The following NAALADL2 variants were observed in gnomAD, a reference collection of about 807,000 sequenced individuals.
The protein encoded by NAALADL2 is N-acetylated alpha-linked acidic dipeptidase like 2.
Under a neutral mutation model 87.2 loss-of-function variants are expected in NAALADL2, and 76 were observed. The ratio of observed to expected loss-of-function variants is 0.87; its 90% CI spans 0.72 to 1.05. The LOEUF (loss-of-function observed/expected upper bound fraction) is 1.05. Among genes scored for constraint, NAALADL2 ranks in the 50% least tolerant of loss-of-function variants. The pLI, the probability that NAALADL2 is intolerant of heterozygous loss-of-function variation, is 0.00. For synonymous variants in NAALADL2, 354 were observed against 331.0 expected, an observed-to-expected ratio of 1.07 and a Z score of -0.75; for missense variants, 1,089 against 945.8, an observed-to-expected ratio of 1.15 and a Z score of -1.99.
rs187714381 is a variant in NAALADL2, at chr3:174,491,395, G to C, written c.-184+50363G>C. ...CAAAGCTTCCACTTACTCTCAAGCT[G>C]TTCATTTACATAGTTATTTTTTTAA... On this transcript the variant is annotated intron_variant, in intron 1 of 3. Transcript: ENST00000434257. Among the ~76,000 whole-genome samples, 5 of 152,150 alleles carry C rather than the reference G, an allele frequency of 3.3e-5. No individual in the cohort carries two copies. In the East Asian group the frequency reaches 5.8e-4, roughly 18 times the overall value.
intron 9 of NAALADL2, among the ~76,000 whole-genome samples, chr3:175,502,596 A>C (rs1242777821): frequency 2.6e-5 from 4 of 151,892 alleles, no homozygotes; most frequent in Non-Finnish European, 4.4e-5. Context: ...GAACTATATC[A>C]CTTCTCCTGG....
chr3:174,494,415 A>C (rs1718389042), intron 1 of NAALADL2, among the ~76,000 whole-genome samples: 5 of 147,776 alleles, frequency 3.4e-5, no homozygotes, highest in African/African-American at 7.5e-5. Flanking sequence ...ATAGGTGGGA[A>C]TTGAACAATG....
intron 13 of NAALADL2, among the ~76,000 whole-genome samples, chr3:175,781,261 A>C (rs1004012206): frequency 6.6e-6 from 1 of 152,174 alleles, no homozygotes; most frequent in African/African-American, 2.4e-5. Context: ...ATAGTACACA[A>C]AAGCAAATCT....
chr3:174,761,173 A>T (rs1712892948), intron 3 of NAALADL2, among the ~76,000 whole-genome samples: 1 of 152,210 alleles, frequency 6.6e-6, no homozygotes, highest in Admixed American at 6.5e-5. Context: ...GTTCTATATG[A>T]AAATCTATTT....
At chr3:174,524,163 G>A (rs1048469254) in intron 1 of NAALADL2, among the ~76,000 whole-genome samples, 1 of 152,022 alleles carries the variant, frequency 6.6e-6, no homozygotes, top group African/African-American at 2.4e-5. Context: ...GTATAATTTA[G>A]CTACATTAAA....
intron 1 of NAALADL2, among the ~76,000 whole-genome samples, chr3:174,497,295 C>T (rs981283944): frequency 2.0e-5 from 3 of 151,930 alleles, no homozygotes; most frequent in African/African-American, 7.3e-5. Flanking sequence ...TATAATATTG[C>T]TACTTACTTT....
At chr3:174,448,027 A>G (rs1176958669) in intron 1 of NAALADL2, among the ~76,000 whole-genome samples, 11 of 152,100 alleles carry the variant, frequency 7.2e-5, no homozygotes. Context: ...GTTTACCCAC[A>G]CTGATCTTTT....
chr3:174,577,632 C>A (rs1715677435), intron 2 of NAALADL2, among the ~76,000 whole-genome samples: 1 of 152,094 alleles, frequency 6.6e-6, no homozygotes, highest in African/African-American at 2.4e-5. Flanking sequence ...TTTAATTTAG[C>A]CAAGTTAACT....
At chr3:174,870,499 C>T (rs1472759458) in intron 1 of NAALADL2, among the ~76,000 whole-genome samples, 1 of 151,714 alleles carries the variant, frequency 6.6e-6, no homozygotes, top group African/African-American at 2.4e-5. Flanking sequence ...CAATGTTTAC[C>T]CACGGAAATA....
intron 3 of NAALADL2, among the ~76,000 whole-genome samples, chr3:174,754,699 T>C (rs1462562397): frequency 6.6e-6 from 1 of 152,178 alleles, no homozygotes; most frequent in East Asian, 1.9e-4. Context: ...AGATGTGTTG[T>C]AGAATGGATT....
At chr3:174,892,538 T>C (rs1730982354) in intron 1 of NAALADL2, among the ~76,000 whole-genome samples, 1 of 152,170 alleles carries the variant, frequency 6.6e-6, no homozygotes, top group Non-Finnish European at 1.5e-5. Flanking sequence ...AGGTCTTTAA[T>C]AGTATATATG....
intron 9 of NAALADL2, among the ~76,000 whole-genome samples, chr3:175,542,273 T>G (rs1477758423): frequency 6.6e-6 from 1 of 152,230 alleles, no homozygotes; most frequent in African/African-American, 2.4e-5. Context: ...GATAACTTGG[T>G]ATATTTTGTG....
At chr3:174,819,547 A>T (rs914171946) in intron 3 of NAALADL2, among the ~76,000 whole-genome samples, 1 of 152,128 alleles carries the variant, frequency 6.6e-6, no homozygotes, top group African/African-American at 2.4e-5. Context: ...CTCATACACA[A>T]TCACATCCTT....
intron 5 of NAALADL2, among the ~76,000 whole-genome samples, chr3:175,387,666 A>G (rs1386395170): frequency 6.6e-6 from 1 of 152,144 alleles, no homozygotes; most frequent in Non-Finnish European, 1.5e-5. Flanking sequence ...GATTTGTTGA[A>G]TATACTAAAA....
chr3:175,061,400 T>C lies in NAALADL2; in HGVS notation c.44-35390T>C, dbSNP rs377179176. Among the ~76,000 whole-genome samples, 26 of 152,312 alleles carry C rather than the reference T, an allele frequency of 1.7e-4. No individual in the cohort carries two copies. In the East Asian group the frequency reaches 4.4e-3, roughly 26 times the overall value. ...AATAAATCTACACTGGAATTTTATATGAAAATATTCTGTTACATCTGTTGC... is the reference window on the plus strand; with the variant it reads ...AATAAATCTACACTGGAATTTTATACGAAAATATTCTGTTACATCTGTTGC... On this transcript the variant is annotated intron_variant, in intron 1 of 13. Transcript: ENST00000454872.
intron 1 of NAALADL2, among the ~76,000 whole-genome samples, chr3:175,029,235 G>A (rs1752545526): frequency 6.6e-6 from 1 of 151,960 alleles, no homozygotes. Flanking sequence ...TCCTGAACCA[G>A]ACCATGGCTG....
chr3:175,781,838 T>C lies in NAALADL2; in HGVS notation c.2190-21167T>C, dbSNP rs975135900. 5.9e-5 allele frequency among the ~76,000 whole-genome samples: 9 copies of C among 152,014 alleles called. No homozygotes were observed. The East Asian group carries it at 1.8e-3, about 30-fold the overall frequency. ...AACTCGTCATCTAGCATTAGGTGTA[T>C]CTCCCAATGCTATCCCTCCCCCCCA... On this transcript the variant is annotated intron_variant, in intron 13 of 13. Coordinates refer to ENST00000454872, the MANE Select transcript of NAALADL2 (RefSeq NM_207015.3).
intron 9 of NAALADL2, among the ~76,000 whole-genome samples, chr3:175,569,507 C>G (rs1717703962): frequency 6.6e-6 from 1 of 152,048 alleles, no homozygotes; most frequent in Non-Finnish European, 1.5e-5. Context: ...AAGACAAAAT[C>G]CCCAATGTTG....
intron 9 of NAALADL2, among the ~76,000 whole-genome samples, chr3:175,546,956 A>G (rs1178816277): frequency 6.6e-6 from 1 of 152,168 alleles, no homozygotes; most frequent in African/African-American, 2.4e-5. Context: ...ATGCTGATGG[A>G]TAGGAGGAGT....
Sources: gnomAD v4.1 joint callset for allele counts (sites outside exome capture counted in the v4.1 genomes callset) on GRCh38, gnomAD v4.1.1 for gene constraint, MANE v1.5 for transcripts, NCBI Gene and HGNC (gene_info 2026-07-23, HGNC 2026-07-21) for gene names.